Variants in STAMBP observed in about 807,000 individuals in gnomAD.
STAMBP encodes the protein STAM-binding protein.
In STAMBP, 31 loss-of-function variants were observed where a neutral mutation model predicts 50.7. The ratio of observed to expected loss-of-function variants is 0.61; its 90% confidence interval spans 0.46 to 0.83. The LOEUF (loss-of-function observed/expected upper bound fraction) is 0.83, where lower values mean the gene tolerates loss of function less well. STAMBP is among the 40% of genes least tolerant of loss of function. The probability of loss-of-function intolerance (pLI) is 0.00; values close to 1 mark genes in which losing one functional copy is unlikely to be tolerated. For synonymous variants in STAMBP, 211 were observed against 192.4 expected, an observed-to-expected ratio of 1.10 and a Z score of -0.80; for missense variants, 472 against 518.9, an observed-to-expected ratio of 0.91 and a Z score of 0.88.
intron 5 of STAMBP, 140 bp downstream of exon 5, chr2:73,847,893 A>G (rs1342893848): frequency 3.5e-6 from 4 of 1,146,848 alleles, no homozygotes; most frequent in Non-Finnish European, 4.9e-6. Flanking sequence ...GTATTGCTGT[A>G]CTGTGTCCTA....
At chr2:73,853,791 A>C (rs932739463) in intron 7 of STAMBP, among the ~76,000 whole-genome samples, 7 of 152,206 alleles carry the variant, frequency 4.6e-5, no homozygotes, top group Admixed American at 1.3e-4. Flanking sequence ...TACACTACCT[A>C]GGTCAGGAAA....
At chr2:73,830,083 G>GT (rs1447474700) in intron 1 of STAMBP, among the ~76,000 whole-genome samples, 1 of 152,232 alleles carries the variant, frequency 6.6e-6, no homozygotes, top group Admixed American at 6.5e-5. Flanking sequence ...TATCTAGAAA[G>GT]ACTAGAATTA....
At chr2:73,838,885 TTGATTC>T (rs200550786) in intron 2 of STAMBP, among the ~76,000 whole-genome samples, 2 of 152,224 alleles carry the variant, frequency 1.3e-5, no homozygotes, top group Admixed American at 6.5e-5. Context: ...CTTTAAAATC[TTGATTC>T]TGATTCTGAT....
chr2:73,867,997 G>A (rs1049770294), downstream of STAMBP, among the ~76,000 whole-genome samples: 2 of 151,886 alleles, frequency 1.3e-5, no homozygotes, highest in African/African-American at 2.4e-5. Context: ...GGTGGCACAC[G>A]CCTGTAATCC....
chr2:73,830,578 G>T (rs1359088258), intron 1 of STAMBP, among the ~76,000 whole-genome samples: 1 of 152,226 alleles, frequency 6.6e-6, no homozygotes, highest in African/African-American at 2.4e-5. Context: ...CCTTTGGTTG[G>T]TCCACTGTGG....
At chr2:73,840,285 T>C (rs1675207152) in intron 2 of STAMBP, among the ~76,000 whole-genome samples, 3 of 149,972 alleles carry the variant, frequency 2.0e-5, no homozygotes, top group African/African-American at 7.4e-5. Flanking sequence ...TTTTAAACAA[T>C]CCCCTATTGA....
In STAMBP at chr2:73,831,069, C is replaced by A. The variant is rs766234999; in HGVS notation, c.203+10C>A. ...ATAACAAGTATATCACGTAAGACAC[C>A]TACAGTTTCCTTTTTCCTTTCTGGT... On this transcript the variant is annotated intron_variant, in intron 2 of 9. Transcript: ENST00000394070. 1 of 1,611,352 alleles carries A rather than the reference C, an allele frequency of 6.2e-7. No individual in the cohort carries two copies. Among genetic ancestry groups the A allele is most frequent in the African/African-American group, 1.3e-5 (1 of 74,848 alleles).
chr2:73,833,096 G>A (rs1012754781), intron 2 of STAMBP, among the ~76,000 whole-genome samples: 1 of 152,212 alleles, frequency 6.6e-6, no homozygotes, highest in Non-Finnish European at 1.5e-5. Context: ...TCAGAGAAAA[G>A]GAAATGAGAT....
At chr2:73,839,508 A>C (rs376753514) in intron 2 of STAMBP, among the ~76,000 whole-genome samples, 3 of 152,328 alleles carry the variant, frequency 2.0e-5, no homozygotes, top group East Asian at 3.9e-4. Flanking sequence ...AGACTGAAGA[A>C]GGTTCCATCT....
intron 1 of STAMBP, among the ~76,000 whole-genome samples, chr2:73,830,484 G>A (rs1384324035): frequency 2.0e-5 from 3 of 152,244 alleles, no homozygotes; most frequent in Non-Finnish European, 2.9e-5. Flanking sequence ...AGAAATAATA[G>A]AAAATAAAAG....
downstream of STAMBP, among the ~76,000 whole-genome samples, chr2:73,869,944 T>C (rs560219928): frequency 6.6e-6 from 1 of 152,184 alleles, no homozygotes; most frequent in Non-Finnish European, 1.5e-5. Context: ...TCCTAAAATA[T>C]ACATTAATAC....
chr2:73,865,888 A>G lies in STAMBP; in HGVS notation c.*3629A>G, dbSNP rs971628638. 6.6e-6 allele frequency: 1 copy of G among 152,258 alleles called. No homozygotes were observed. The allele number at this position is 152,258 out of a possible 1,614,324, so 9.4% of individuals were successfully genotyped here. ...CTTTGACTCCAAAGCTATCTGGTCT[A>G]CCTTGATGTTCTGAGCAGGAAAACT... On this transcript the variant is annotated 3_prime_UTR_variant, in exon 10 of 10. Coordinates refer to ENST00000394070, the MANE Select transcript of STAMBP (RefSeq NM_213622.4).
chr2:73,846,203 T>C (rs935766255), intron 4 of STAMBP, among the ~76,000 whole-genome samples: 1 of 152,088 alleles, frequency 6.6e-6, no homozygotes, highest in African/African-American at 2.4e-5. Context: ...TTTTTTTTTT[T>C]AATCCAAATG....
chr2:73,847,128 TAG>T (rs1361350795), intron 4 of STAMBP, among the ~76,000 whole-genome samples: 1 of 149,138 alleles, frequency 6.7e-6, no homozygotes, highest in Non-Finnish European at 1.5e-5. Flanking sequence ...GTGCATTAGG[TAG>T]AGTCATTGTC....
Position 73,850,371 on chromosome 2 carries a change from G to A in STAMBP, c.868-5G>A, listed in dbSNP as rs770770248. On this transcript the variant is annotated splice_polypyrimidine_tract_variant and splice_region_variant and intron_variant, in intron 6 of 9. Transcript: ENST00000394070. This position sits in a 1 kb window ranked among gnomAD's most constrained non-coding sequence, Gnocchi z 4.3. ...ATTGTGACCAGCTGTTTTCTCCTTT[G>A]GCAGATGAGGAATGAATTTACCATT... 1.2e-6 allele frequency: 2 copies of A among 1,605,102 alleles called. No individual in the cohort carries two copies. Among genetic ancestry groups the A allele is most frequent in the African/African-American group, 2.7e-5 (2 of 74,618 alleles).
In STAMBP at chr2:73,864,023, C is replaced by T. The variant is rs1678631049; in HGVS notation, c.*1764C>T. On this transcript the variant is annotated 3_prime_UTR_variant, in exon 10 of 10. Transcript: ENST00000394070. ...AACTTTCCACTTAAAGTTCTTACCC[C>T]TGGCTATATATTCAAATATCTAGGG... is the stretch of plus-strand genomic sequence containing the variant. 6.6e-6 allele frequency: 1 copy of T among 152,282 alleles called. No homozygotes were observed. The highest frequency in any genetic ancestry group is 1.9e-4 in the East Asian group (1 of 5,188). 9.4% of individuals were successfully genotyped at this position (152,282 alleles called of 1,614,324 possible).
rs551086348 is a variant in STAMBP, at chr2:73,856,429, C to T, written c.1006-2825C>T. On this transcript the variant is annotated intron_variant, in intron 7 of 9. Coordinates refer to ENST00000394070, the MANE Select transcript of STAMBP (RefSeq NM_213622.4). ...ACCATCTGTTCCAGAATGGGTGACT[C>T]AGTGGTATGAAGAGACCTTGTAAGG... Among the ~76,000 whole-genome samples the T allele has an allele frequency of 4.6e-5, 7 of 152,296 alleles. No individual in the cohort carries two copies. In the South Asian group the frequency reaches 1.2e-3, roughly 27 times the overall value.
At chr2:73,861,873 C>T (rs191593014) in intron 9 of STAMBP, among the ~76,000 whole-genome samples, 1 of 152,148 alleles carries the variant, frequency 6.6e-6, no homozygotes, top group Non-Finnish European at 1.5e-5. Context: ...CACGGTGGCT[C>T]ACGCCTATAA....
rs771267587 is a variant in STAMBP at position 73,830,922 on chromosome 2, T to G, written c.66T>G (p.Gly22=). The change falls in exon 2 of 10, where the codon GGT becomes GGG. Residue 22 remains glycine (G), a synonymous_variant. Transcript: ENST00000394070. ...EDRVRALSQL[G]SAVEVNEDIP... The stretch of plus-strand genomic sequence containing the variant: ...GGGTGAGGGCTCTCTCCCAGCTGGG[T>G]AGTGCGGTAGAGGTGAATGAAGACA... 1.9e-6 allele frequency: 3 copies of G among 1,613,930 alleles called. No homozygotes were observed. The South Asian group carries it at 3.3e-5, about 18-fold the overall frequency.
Sources: gnomAD v4.1 joint callset for allele counts (sites outside exome capture counted in the v4.1 genomes callset) on GRCh38, gnomAD v4.1.1 for gene constraint, Gnocchi (gnomAD v3.1) non-coding constraint, MANE v1.5 for transcripts, NCBI Gene and HGNC (gene_info 2026-07-23, HGNC 2026-07-21) for gene names.